Variants in KDM4C observed in about 807,000 individuals in gnomAD.
KDM4C encodes the protein lysine demethylase 4C, also known as lysine-specific demethylase 4C.
In KDM4C, 81 loss-of-function variants were observed where a neutral mutation model predicts 129.3. The observed-to-expected ratio is 0.63, with a 90% CI of 0.52 to 0.75. The LOEUF (loss-of-function observed/expected upper bound fraction) is 0.75. KDM4C is among the 30% of genes least tolerant of loss of function. The pLI is 0.00. For synonymous variants in KDM4C, 573 were observed against 456.1 expected (o/e 1.26, Z -3.26); for missense variants, 1,457 against 1,304.0 (o/e 1.12, Z -1.81).
chr9:6,836,945 A>G (rs1193459326), intron 4 of KDM4C, among the ~76,000 whole-genome samples: 2 of 152,308 alleles, frequency 1.3e-5, no homozygotes, highest in East Asian at 3.9e-4. Flanking sequence ...AAGTTTCTCA[A>G]AGGTATTTAC....
chr9:7,113,754 T>C (rs2133235410), intron 18 of KDM4C, among the ~76,000 whole-genome samples: 1 of 152,354 alleles, frequency 6.6e-6, no homozygotes, highest in African/African-American at 2.4e-5. Context: ...GCTCCTATTA[T>C]GTTGATCAAT....
intron 15 of KDM4C, among the ~76,000 whole-genome samples, chr9:7,029,074 C>G (rs553823022): frequency 6.6e-6 from 1 of 152,224 alleles, no homozygotes; most frequent in African/African-American, 2.4e-5. Flanking sequence ...ATTTGGTGTT[C>G]CTCCAGAGGG....
chr9:7,085,742 G>C (rs939722835), intron 17 of KDM4C, among the ~76,000 whole-genome samples: 2 of 152,138 alleles, frequency 1.3e-5, no homozygotes, highest in African/African-American at 4.8e-5. Context: ...AGCATTTATA[G>C]AAAACGGAGC....
At chr9:6,757,444 A>G (rs1235318594), upstream of KDM4C, among the ~76,000 whole-genome samples, 1 of 152,252 alleles carries the variant, frequency 6.6e-6, no homozygotes, top group Non-Finnish European at 1.5e-5. Context: ...TGGGACACGA[A>G]GATACTCTTC....
At chr9:6,944,057 T>C (rs1826438866) in intron 8 of KDM4C, among the ~76,000 whole-genome samples, 1 of 152,214 alleles carries the variant, frequency 6.6e-6, no homozygotes, top group African/African-American at 2.4e-5. Flanking sequence ...CTTAAATTTA[T>C]ATATCTTAAA....
At position 7,174,870 on chromosome 9, in the gene KDM4C, G is replaced by A. The variant is rs1423521465; in HGVS notation, c.*141G>A. 1 of 653,286 alleles carries A rather than the reference G, an allele frequency of 1.5e-6. No individual in the cohort carries two copies. Among genetic ancestry groups the A allele is most frequent in the Admixed American group, 2.6e-5 (1 of 38,574 alleles). The allele number at this position is 653,286 out of a possible 1,614,324, so 40.5% of individuals were successfully genotyped here. ...GACAGTGGTAAATCGGGTTTCCAGA[G>A]TTTGGTCACCAAAAATACAAAATAC... On this transcript the variant is annotated 3_prime_UTR_variant, in exon 22 of 22. Transcript: ENST00000381309.
At chr9:6,800,585 T>A (rs1412986811) in intron 2 of KDM4C, among the ~76,000 whole-genome samples, 1 of 151,966 alleles carries the variant, frequency 6.6e-6, no homozygotes, top group Non-Finnish European at 1.5e-5. Flanking sequence ...TAACATATAC[T>A]ATGAATGTAT....
At chr9:6,810,132 T>G (rs1830876230) in intron 3 of KDM4C, among the ~76,000 whole-genome samples, 1 of 152,260 alleles carries the variant, frequency 6.6e-6, no homozygotes, top group African/African-American at 2.4e-5. Context: ...AAAGAAACTT[T>G]GATCATCCTC....
chr9:6,756,703 C>G (rs1247603011), upstream of KDM4C, among the ~76,000 whole-genome samples: 2 of 152,150 alleles, frequency 1.3e-5, no homozygotes, highest in Admixed American at 6.6e-5. Flanking sequence ...GGCGACACAG[C>G]AAGACTCCGT....
At chr9:6,871,753 C>CT (rs1842846241) in intron 5 of KDM4C, among the ~76,000 whole-genome samples, 2 of 152,028 alleles carry the variant, frequency 1.3e-5, no homozygotes, top group African/African-American at 4.8e-5. Context: ...TAGGGCCTGG[C>CT]TGTGGAGCAG....
At chr9:6,871,512 T>C (rs1489195093) in intron 5 of KDM4C, among the ~76,000 whole-genome samples, 1 of 152,194 alleles carries the variant, frequency 6.6e-6, no homozygotes, top group African/African-American at 2.4e-5. Context: ...CTCAGTTTTT[T>C]AGTGTTAGCA....
At chr9:7,016,761 G>A (rs981225001) in intron 15 of KDM4C, among the ~76,000 whole-genome samples, 1 of 152,136 alleles carries the variant, frequency 6.6e-6, no homozygotes, top group African/African-American at 2.4e-5. Flanking sequence ...CTCTACTTAG[G>A]AAGCTGCAGG....
At chr9:7,005,424 A>G (rs1821481448) in intron 12 of KDM4C, among the ~76,000 whole-genome samples, 1 of 136,378 alleles carries the variant, frequency 7.3e-6, no homozygotes, top group Non-Finnish European at 1.6e-5. Context: ...AACAAAAGTG[A>G]AACTCTGTCT....
At chr9:6,793,393 G>T (rs1461548388) in intron 2 of KDM4C, among the ~76,000 whole-genome samples, 4 of 151,764 alleles carry the variant, frequency 2.6e-5, no homozygotes, top group African/African-American at 9.7e-5. Flanking sequence ...TGGAAACCAA[G>T]GAGATCCATG....
chr9:6,768,641 T>G (rs1384233666), intron 1 of KDM4C, among the ~76,000 whole-genome samples: 2 of 152,194 alleles, frequency 1.3e-5, no homozygotes, highest in East Asian at 3.8e-4. Context: ...TTGTGCAATA[T>G]GTATTCTTGT....
At chr9:6,851,250 A>G (rs1238616341) in intron 5 of KDM4C, among the ~76,000 whole-genome samples, 1 of 152,132 alleles carries the variant, frequency 6.6e-6, no homozygotes, top group Middle Eastern at 3.2e-3. Context: ...AAGTGCTGGG[A>G]TTACAGGTGT....
intron 1 of KDM4C, among the ~76,000 whole-genome samples, chr9:6,784,111 G>A (rs116079357): frequency 0.014 from 2,062 of 152,098 alleles, 57 homozygotes; most frequent in African/African-American, 0.047. Context: ...CTATAGCCTG[G>A]CAATATGCTA....
chr9:6,949,261 G>A (rs1827632311), intron 8 of KDM4C, among the ~76,000 whole-genome samples: 2 of 151,974 alleles, frequency 1.3e-5, no homozygotes, highest in South Asian at 4.2e-4. Context: ...TTGCGGCCGG[G>A]CAGAGGCGCT....
chr9:6,975,726 C>CAG (rs111626822), intron 8 of KDM4C, among the ~76,000 whole-genome samples: 38,529 of 152,014 alleles, frequency 0.25, 5,277 homozygotes, highest in South Asian at 0.46. Context: ...AGATAATTCA[C>CAG]TAATGGTTCA....
Sources: allele counts gnomAD v4.1 joint callset (sites outside exome capture counted in the v4.1 genomes callset), GRCh38; gene constraint gnomAD v4.1.1; transcripts MANE v1.5; gene names NCBI Gene and HGNC (gene_info 2026-07-23, HGNC 2026-07-21).